Variants in TIAM1 observed in about 807,000 individuals in gnomAD.
The protein encoded by TIAM1 is rho guanine nucleotide exchange factor TIAM1.
Under a neutral mutation model 163.5 loss-of-function variants are expected in TIAM1, and 65 were observed. The ratio of observed to expected loss-of-function variants is 0.40; its 90% CI spans 0.33 to 0.49. The LOEUF (loss-of-function observed/expected upper bound fraction) is 0.49. TIAM1 is among the 20% of genes least tolerant of loss of function. TIAM1 has a pLI of 0.77. For synonymous variants in TIAM1, 833 were observed against 810.1 expected (o/e 1.03, Z -0.48); for missense variants, 1,789 against 2,044.7 (o/e 0.87, Z 2.41).
chr21:31,362,218 A>G (rs762654315), intron 2 of TIAM1, among the ~76,000 whole-genome samples: 3 of 152,016 alleles, frequency 2.0e-5, no homozygotes, highest in Non-Finnish European at 2.9e-5. Context: ...TGAAGGCAGC[A>G]TAAGAGTGAG....
chr21:31,143,364 CA>C (rs987846275), intron 20 of TIAM1, among the ~76,000 whole-genome samples: 1 of 151,940 alleles, frequency 6.6e-6, no homozygotes, highest in Non-Finnish European at 1.5e-5. Context: ...TTCATAACAG[CA>C]CCTGGAATGT....
chr21:31,393,867 T>C (rs528756331), intron 2 of TIAM1, among the ~76,000 whole-genome samples: 8 of 152,348 alleles, frequency 5.3e-5, no homozygotes, highest in African/African-American at 1.2e-4. Flanking sequence ...CAATTTCATG[T>C]ATCTTATTAC....
intron 2 of TIAM1, among the ~76,000 whole-genome samples, chr21:31,448,988 G>C (rs1365345832): frequency 6.6e-6 from 1 of 151,662 alleles, no homozygotes; most frequent in Non-Finnish European, 1.5e-5. Flanking sequence ...TTTTTTCTGA[G>C]ACAGGGTCAC....
chr21:31,163,978 A>C (rs1022728660), intron 16 of TIAM1, among the ~76,000 whole-genome samples: 2 of 152,196 alleles, frequency 1.3e-5, no homozygotes, highest in African/African-American at 4.8e-5. Flanking sequence ...TTGCGGGGGC[A>C]GTGTCGTTTG....
At chr21:31,432,007 T>C (rs932339071) in intron 2 of TIAM1, among the ~76,000 whole-genome samples, 1 of 152,046 alleles carries the variant, frequency 6.6e-6, no homozygotes, top group African/African-American at 2.4e-5. Context: ...ACATGCCATC[T>C]TACAACTAAT....
At chr21:31,558,321 GC>G (rs1279784507) in intron 1 of TIAM1, among the ~76,000 whole-genome samples, 2 of 152,104 alleles carry the variant, frequency 1.3e-5, no homozygotes, top group African/African-American at 4.8e-5. Flanking sequence ...CGCTTTTAAT[GC>G]CCCCCTCCGG....
At chr21:31,277,689 A>G (rs1467696610) in intron 2 of TIAM1, among the ~76,000 whole-genome samples, 1 of 152,086 alleles carries the variant, frequency 6.6e-6, no homozygotes, top group East Asian at 1.9e-4. Flanking sequence ...GCAACCAGCA[A>G]CCCTCGGGGC....
intron 2 of TIAM1, among the ~76,000 whole-genome samples, chr21:31,321,063 G>A (rs1423210198): frequency 2.0e-5 from 3 of 151,846 alleles, no homozygotes; most frequent in South Asian, 2.1e-4. Context: ...GAGGCAAGAG[G>A]ATCACCTGAG....
chr21:31,222,705 ATATTTTTTTTTTTTT>A (rs1322838609), intron 8 of TIAM1, among the ~76,000 whole-genome samples: 113 of 35,138 alleles, frequency 3.2e-3, no homozygotes, highest in African/African-American at 0.015. Context: ...ATATATATAT[ATATTTTTTTTTTTTT>A]TTTTTTTTTT....
upstream of TIAM1, among the ~76,000 whole-genome samples, chr21:31,346,901 T>A (rs752787998): frequency 6.6e-6 from 1 of 152,068 alleles, no homozygotes; most frequent in Non-Finnish European, 1.5e-5. Flanking sequence ...GGGGGGCATA[T>A]ACTTTTTTTT....
chr21:31,438,631 T>G (rs13049974), intron 2 of TIAM1, among the ~76,000 whole-genome samples: 1 of 152,130 alleles, frequency 6.6e-6, no homozygotes, highest in East Asian at 1.9e-4. Flanking sequence ...TTTTCTTGCA[T>G]GTGTCCTGCT....
At chr21:31,127,511 C>T (rs955030443) in intron 25 of TIAM1, among the ~76,000 whole-genome samples, 3 of 151,696 alleles carry the variant, frequency 2.0e-5, no homozygotes, top group South Asian at 2.1e-4. Context: ...CTCTGCCTCC[C>T]GGGTTCAAGT....
chr21:31,431,638 C>T (rs943692174), intron 2 of TIAM1, among the ~76,000 whole-genome samples: 1 of 152,216 alleles, frequency 6.6e-6, no homozygotes, highest in African/African-American at 2.4e-5. Context: ...GATACATGTT[C>T]TGAGAAATGC....
At chr21:31,458,932 G>A (rs1184601202) in intron 2 of TIAM1, among the ~76,000 whole-genome samples, 5 of 152,304 alleles carry the variant, frequency 3.3e-5, no homozygotes, top group East Asian at 1.9e-4. Context: ...GGCACGCTGC[G>A]TGTATTCTAG....
Position 31,301,194 on chromosome 21 carries a change from T to G in TIAM1, c.-188-24286A>C, listed in dbSNP as rs189982581. Among the ~76,000 whole-genome samples the G allele has an allele frequency of 1.8e-3, 273 of 152,346 alleles. 5 individuals carry two copies. The South Asian group carries it at 0.029, about 16-fold the overall frequency. The stretch of plus-strand genomic sequence containing the variant: ...TATCAGCTCGAATGCAGATGTGCTA[T>G]CCTCACGAGTTCTCCTGGAAGGATC... On this transcript the variant is annotated intron_variant, in intron 2 of 27. Coordinates refer to ENST00000541036, the MANE Select transcript of TIAM1 (RefSeq NM_001353694.2).
At chr21:31,350,886 T>C (rs1460563645) in intron 2 of TIAM1, among the ~76,000 whole-genome samples, 1 of 152,232 alleles carries the variant, frequency 6.6e-6, no homozygotes, top group Non-Finnish European at 1.5e-5. Flanking sequence ...ACCCCACCTA[T>C]AGACCTGCTT....
At chr21:31,442,066 A>AAAAAAAAAAAAAAT (rs1202451553) in intron 2 of TIAM1, among the ~76,000 whole-genome samples, 2 of 18,786 alleles carry the variant, frequency 1.1e-4, no homozygotes, top group African/African-American at 4.9e-4. Flanking sequence ...AGAACAAATA[A>AAAAAAAAAAAAAAT]ATAAATATAT....
At chr21:31,128,462 G>A (rs888123411) in intron 25 of TIAM1, among the ~76,000 whole-genome samples, 1 of 152,120 alleles carries the variant, frequency 6.6e-6, no homozygotes, top group African/African-American at 2.4e-5. Context: ...CAACGCAGGC[G>A]AAATTCCTGG....
intron 13 of TIAM1, among the ~76,000 whole-genome samples, chr21:31,193,549 C>T (rs2085670521): frequency 6.6e-6 from 1 of 152,232 alleles, no homozygotes; most frequent in South Asian, 2.1e-4. Context: ...CGCTGAAGCT[C>T]ACACCTGGTT....
Sources: allele counts gnomAD v4.1 joint callset (sites outside exome capture counted in the v4.1 genomes callset), GRCh38; gene constraint gnomAD v4.1.1; transcripts MANE v1.5; gene names NCBI Gene and HGNC (gene_info 2026-07-23, HGNC 2026-07-21).